Variants in TUBA8 observed in about 807,000 individuals in gnomAD.
The protein encoded by TUBA8 is tubulin alpha 8.
Under a neutral mutation model 34.7 loss-of-function variants are expected in TUBA8, and 29 were observed. The observed-to-expected ratio is 0.84, with a 90% confidence interval of 0.62 to 1.14. The LOEUF is 1.14. Ranked by LOEUF, TUBA8 falls within the 50% of genes most tolerant of loss-of-function variation. The pLI is 0.00. For synonymous variants in TUBA8, 226 were observed against 231.2 expected (o/e 0.98, Z 0.21); for missense variants, 541 against 599.2 (o/e 0.90, Z 1.01).
chr22:18,110,953 C>T lies in TUBA8; in HGVS notation c.3+85C>T, dbSNP rs1006135781. 8.5e-5 allele frequency: 130 copies of T among 1,529,050 alleles called. No individual in the cohort carries two copies. Among genetic ancestry groups the T allele is most frequent in the Non-Finnish European group, 1.1e-4 (123 of 1,142,480 alleles). 94.7% of individuals were successfully genotyped at this position (1,529,050 alleles called of 1,614,324 possible). ...GAGTCTACGCGGAGGCGCACGGACC[C>T]GTCTTCCTGGAGCCGCAGGGCTCAA... On this transcript the variant is annotated intron_variant, in intron 1 of 4. Coordinates refer to ENST00000330423, the MANE Select transcript of TUBA8 (RefSeq NM_018943.3). This position sits in a 1 kb window ranked among gnomAD's most constrained non-coding sequence, Gnocchi z 6.2.
chr22:18,114,230 T>C (rs1308521557), intron 1 of TUBA8: 1 of 152,280 alleles, frequency 6.6e-6, no homozygotes, highest in African/African-American at 2.4e-5. Flanking sequence ...GTGCATCGGA[T>C]TGAAACTCCT....
In TUBA8 at chr22:18,127,035, G is replaced by C; in HGVS notation, c.1056+1G>C. Reference sequence around the variant, plus strand: ...AGACTGGTGTCCCACAGGCTTCAAGGTGAGAGCTGATGACTTAGGAAGGGG... The same window carrying C: ...AGACTGGTGTCCCACAGGCTTCAAGCTGAGAGCTGATGACTTAGGAAGGGG... On this transcript the variant is annotated splice_donor_variant, in intron 4 of 4. Transcript: ENST00000330423. LOFTEE classifies it high-confidence loss of function. The C allele has an allele frequency of 1.2e-6, 2 of 1,614,134 alleles. No homozygotes were observed. Among genetic ancestry groups the C allele is most frequent in the Non-Finnish European group, 1.7e-6 (2 of 1,180,036 alleles).
Position 18,118,738 on chromosome 22 carries a change from T to C in TUBA8, c.4-2741T>C, listed in dbSNP as rs1318674933. The C allele has an allele frequency of 6.6e-6, 1 of 152,200 alleles. No homozygotes were observed. Among genetic ancestry groups the C allele is most frequent in the Non-Finnish European group, 1.5e-5 (1 of 68,060 alleles). The allele number at this position is 152,200 out of a possible 1,614,324, so 9.4% of individuals were successfully genotyped here. On this transcript the variant is annotated intron_variant, in intron 1 of 4. Transcript: ENST00000330423. The surrounding 1 kb of genome is among the most constrained non-coding windows in gnomAD (Gnocchi z 4.0). ...TAGTTCAATAGGAAAAATAGCTCTT[T>C]CTAAGGGGTGTGTGTGTTTGCACGA...
At position 18,114,227 on chromosome 22, in the gene TUBA8, G is replaced by A. The variant is rs967316290; in HGVS notation, c.3+3359G>A. The A allele has an allele frequency of 3.3e-5, 5 of 152,276 alleles. No individual in the cohort carries two copies. In the East Asian group the frequency reaches 7.7e-4, roughly 23 times the overall value. 9.4% of individuals were successfully genotyped at this position (152,276 alleles called of 1,614,324 possible). A position where few individuals can be genotyped will look rare whatever the true frequency, so the allele number is the denominator to read the frequency against. ...AGATGGAGCAGGCACTGTGTGCATC[G>A]GATTGAAACTCCTAAGTGTCTCTTG... is the stretch of plus-strand genomic sequence containing the variant. On this transcript the variant is annotated intron_variant, in intron 1 of 4. Transcript: ENST00000330423.
In TUBA8 at chr22:18,121,153, T is replaced by C. The variant is rs760512749; in HGVS notation, c.4-326T>C. The C allele has an allele frequency of 5.4e-5, 19 of 349,878 alleles. No homozygotes were observed. The highest frequency in any genetic ancestry group is 9.9e-5 in the Non-Finnish European group (18 of 182,540). 21.7% of individuals were successfully genotyped at this position (349,878 alleles called of 1,614,324 possible). The stretch of plus-strand genomic sequence containing the variant: ...TCTGCCATGATCGCCAGTTCTTCCT[T>C]GGGCCTTCTTCACCAGTGCAGGAAT... On this transcript the variant is annotated intron_variant, in intron 1 of 4. Coordinates refer to ENST00000330423, the MANE Select transcript of TUBA8 (RefSeq NM_018943.3). This position sits in a 1 kb window ranked among gnomAD's most constrained non-coding sequence, Gnocchi z 4.8.
intron 1 of TUBA8, chr22:18,112,382 A>C (rs1302527388): frequency 6.6e-6 from 1 of 152,220 alleles, no homozygotes; most frequent in African/African-American, 2.4e-5. Flanking sequence ...ATTTTGAAGC[A>C]AATGCTAGGC....
intron 4 of TUBA8, chr22:18,129,979 A>C (rs1242038833): frequency 6.6e-6 from 1 of 152,226 alleles, no homozygotes; most frequent in Non-Finnish European, 1.5e-5. Context: ...GAGACCTGCC[A>C]TGCTGCCAGA....
rs2123689051 is a variant in TUBA8 at position 18,110,936 on chromosome 22, G to A, written c.3+68G>A. Reference sequence around the variant, plus strand: ...GCGTAGGACCGAGAGCCGAGTCTACGCGGAGGCGCACGGACCCGTCTTCCT... The same window carrying A: ...GCGTAGGACCGAGAGCCGAGTCTACACGGAGGCGCACGGACCCGTCTTCCT... On this transcript the variant is annotated intron_variant, in intron 1 of 4. Coordinates refer to ENST00000330423, the MANE Select transcript of TUBA8 (RefSeq NM_018943.3). The surrounding 1 kb of genome is among the most constrained non-coding windows in gnomAD (Gnocchi z 6.2). 4 of 1,535,000 alleles carry A rather than the reference G, an allele frequency of 2.6e-6. No homozygotes were observed. The highest frequency in any genetic ancestry group is 2.3e-4 in the Middle Eastern group (1 of 4,414).
In TUBA8 at chr22:18,130,983, C is replaced by G; in HGVS notation, c.1197C>G (p.Tyr399Ter). 1 of 1,614,112 alleles carries G rather than the reference C, an allele frequency of 6.2e-7. No individual in the cohort carries two copies. The highest frequency in any genetic ancestry group is 8.5e-7 in the Non-Finnish European group (1 of 1,180,038). ...TCGACCACAAGTTCGACCTCATGTA[C>G]GCCAAGCGGGCCTTTGTGCATTGGT... ...ARLDHKFDLM[Y>*]AKRAFVHWYV... Residue 399 changes from tyrosine (Y) to a stop codon, truncating the protein, a stop_gained, in exon 5 of 5, where the codon TAC becomes TAG. Coordinates refer to ENST00000330423, the MANE Select transcript of TUBA8 (RefSeq NM_018943.3). LOFTEE classifies it high-confidence loss of function.
At chr22:18,128,350 AC>A (rs914473894) in intron 4 of TUBA8, 17 of 152,078 alleles carry the variant, frequency 1.1e-4, no homozygotes, top group African/African-American at 4.1e-4. Context: ...GCGAGGGTAG[AC>A]CCTGGGGCCC....
intron 3 of TUBA8, chr22:18,125,673 G>A (rs764630907): frequency 6.6e-6 from 1 of 152,654 alleles, no homozygotes; most frequent in Admixed American, 6.5e-5. Flanking sequence ...TCCAAGGTTG[G>A]GTTGAAGTGT....
intron 1 of TUBA8, chr22:18,114,790 G>A (rs1238535657): frequency 2.0e-5 from 3 of 151,984 alleles, no homozygotes; most frequent in African/African-American, 7.3e-5. Flanking sequence ...GGTCCACGTC[G>A]GCCCCTCTCC....
Position 18,124,933 on chromosome 22 carries a change from C to G in TUBA8, c.375+629C>G, listed in dbSNP as rs540982797. On this transcript the variant is annotated intron_variant, in intron 3 of 4. Transcript: ENST00000330423. The surrounding 1 kb of genome is among the most constrained non-coding windows in gnomAD (Gnocchi z 4.3). ...ATCTGTATAATGGAAAAGCTTGGAC[C>G]TGATCACATGTTCTTTCCCTGGGAG... The G allele has an allele frequency of 6.6e-6, 1 of 152,382 alleles. No individual in the cohort carries two copies. The highest frequency in any genetic ancestry group is 6.5e-5 in the Admixed American group (1 of 15,318). The allele number at this position is 152,382 out of a possible 1,614,324, so 9.4% of individuals were successfully genotyped here.
Position 18,121,985 on chromosome 22 carries a change from A to G in TUBA8, c.226+284A>G. On this transcript the variant is annotated intron_variant, in intron 2 of 4. Coordinates refer to ENST00000330423, the MANE Select transcript of TUBA8 (RefSeq NM_018943.3). The surrounding 1 kb of genome is among the most constrained non-coding windows in gnomAD (Gnocchi z 4.8). ...ACATCGCTACTAAATACTAAGGATA[A>G]GAAAATCCAAATAATTTTAGAAATT... is the stretch of plus-strand genomic sequence containing the variant. 2.4e-6 allele frequency: 1 copy of G among 421,352 alleles called. No individual in the cohort carries two copies. The highest frequency in any genetic ancestry group is 4.3e-6 in the Non-Finnish European group (1 of 230,530). 26.1% of individuals were successfully genotyped at this position (421,352 alleles called of 1,614,324 possible).
Position 18,119,238 on chromosome 22 carries a change from G to C in TUBA8, c.4-2241G>C, listed in dbSNP as rs1443416436. On this transcript the variant is annotated intron_variant, in intron 1 of 4. Coordinates refer to ENST00000330423, the MANE Select transcript of TUBA8 (RefSeq NM_018943.3). The surrounding 1 kb of genome is among the most constrained non-coding windows in gnomAD (Gnocchi z 5.9). ...TGGGTGGATAACTCGCTGGTTGTGGGTGGTTTCTGGATGCAGATGCTGCTT... is the reference window on the plus strand; with the variant it reads ...TGGGTGGATAACTCGCTGGTTGTGGCTGGTTTCTGGATGCAGATGCTGCTT... The C allele has an allele frequency of 6.6e-6, 1 of 152,340 alleles. No individual in the cohort carries two copies. Among genetic ancestry groups the C allele is most frequent in the Non-Finnish European group, 1.5e-5 (1 of 68,150 alleles). 9.4% of individuals were successfully genotyped at this position (152,340 alleles called of 1,614,324 possible).
rs752656777 is a variant in TUBA8 at position 18,124,109 on chromosome 22, G to C, written c.227-47G>C. 5.6e-6 allele frequency: 9 copies of C among 1,612,920 alleles called. No individual in the cohort carries two copies. Among genetic ancestry groups the C allele is most frequent in the Non-Finnish European group, 7.6e-6 (9 of 1,179,230 alleles). On this transcript the variant is annotated intron_variant, in intron 2 of 4. Transcript: ENST00000330423. This position sits in a 1 kb window ranked among gnomAD's most constrained non-coding sequence, Gnocchi z 4.3. Reference sequence around the variant, plus strand: ...CTGCGGTAGTGTGGTAGGGAGGGAGGCTTCTCCCCTGGGCAGTAGGACCTA... The same window carrying C: ...CTGCGGTAGTGTGGTAGGGAGGGAGCCTTCTCCCCTGGGCAGTAGGACCTA...
chr22:18,120,915 T>A (rs1474691993), intron 1 of TUBA8: 2 of 159,062 alleles, frequency 1.3e-5, no homozygotes, highest in African/African-American at 4.8e-5. Context: ...CATCCTCTCT[T>A]GGGGTAATAA....
rs1391131370 is a variant in TUBA8 at position 18,126,502 on chromosome 22, C to T, written c.524C>T (p.Pro175Leu). The T allele has an allele frequency of 6.2e-7, 1 of 1,614,024 alleles. No homozygotes were observed. The highest frequency in any genetic ancestry group is 1.3e-5 in the African/African-American group (1 of 74,892). The change falls in exon 4 of 5, where the codon CCC becomes CTC. Residue 175 changes from proline to leucine, a missense_variant. By Grantham distance (98) the Pro-to-Leu change is moderately conservative. Coordinates refer to ENST00000330423, the MANE Select transcript of TUBA8 (RefSeq NM_018943.3). This position sits in a 1 kb window ranked among gnomAD's most constrained non-coding sequence, Gnocchi z 4.0. ...CTGGAGTTTGCCATCTACCCAGCCC[C>T]CCAGGTCTCTACTGCAGTGGTGGAG... ...SKLEFAIYPA[P>L]QVSTAVVEPY... is the part of the protein sequence containing the mutation.
At chr22:18,130,618 G>T (rs1928467618) in intron 4 of TUBA8, 1 of 596,890 alleles carries the variant, frequency 1.7e-6, no homozygotes, top group Non-Finnish European at 2.9e-6. Flanking sequence ...GTAGAGATGG[G>T]TTTTTGCTCT....
Sources: allele counts gnomAD v4.1 joint callset, GRCh38; gene constraint gnomAD v4.1.1; non-coding constraint Gnocchi (gnomAD v3.1); transcripts MANE v1.5; gene names NCBI Gene and HGNC (gene_info 2026-07-23, HGNC 2026-07-21).